The following IQCM variants were observed in gnomAD, a reference collection of about 807,000 sequenced individuals.
IQCM encodes the protein IQ domain-containing protein M.
In IQCM, 45 loss-of-function variants were observed where a neutral mutation model predicts 57.6. The ratio of observed to expected loss-of-function variants is 0.78; its 90% CI spans 0.62 to 1.00. The LOEUF is 1.00. Among genes scored for constraint, IQCM ranks in the 50% least tolerant of loss-of-function variants. The probability of loss-of-function intolerance (pLI) is 0.00; values close to 1 mark genes in which losing one functional copy is unlikely to be tolerated. For synonymous variants in IQCM, 148 were observed against 158.9 expected, an observed-to-expected ratio of 0.93 and a Z score of 0.51; for missense variants, 468 against 511.6, an observed-to-expected ratio of 0.91 and a Z score of 0.82.
chr4:149,774,147 C>T (rs1770844567), intron 2 of IQCM, among the ~76,000 whole-genome samples: 1 of 151,494 alleles, frequency 6.6e-6, no homozygotes, highest in South Asian at 2.1e-4. Flanking sequence ...AAGCTCTAAT[C>T]CAAGGTTTAT....
chr4:149,525,871 T>C (rs1212229203), intron 12 of IQCM, among the ~76,000 whole-genome samples: 1 of 151,712 alleles, frequency 6.6e-6, no homozygotes, highest in African/African-American at 2.4e-5. Context: ...AATATATAAA[T>C]AGGGTAAAAT....
chr4:149,702,167 A>AT, intron 5 of IQCM, among the ~76,000 whole-genome samples: 1 of 151,964 alleles, frequency 6.6e-6, no homozygotes. Flanking sequence ...ACAACTGATA[A>AT]CACACTAAGT....
rs1029657124 is a variant in IQCM, at chr4:149,705,247, T to C, written c.386-18779A>G. Among the ~76,000 whole-genome samples the C allele has an allele frequency of 2.0e-5, 3 of 147,730 alleles. No homozygotes were observed. The South Asian group carries it at 6.3e-4, about 31-fold the overall frequency. On this transcript the variant is annotated intron_variant, in intron 5 of 13. Transcript: ENST00000636793. Reference sequence around the variant, plus strand: ...ATATATCCTACTGTTTCTTTTTATATATTTATAAAAATATATAAAAATTAG... The same window carrying C: ...ATATATCCTACTGTTTCTTTTTATACATTTATAAAAATATATAAAAATTAG...
chr4:149,415,763 C>A, intron 13 of IQCM, among the ~76,000 whole-genome samples: 1 of 151,978 alleles, frequency 6.6e-6, no homozygotes, highest in South Asian at 2.1e-4. Flanking sequence ...TTCATAAACT[C>A]ATCTATTCAG....
chr4:149,428,206 T>C (rs1056010774), intron 13 of IQCM, among the ~76,000 whole-genome samples: 3 of 151,812 alleles, frequency 2.0e-5, no homozygotes, highest in African/African-American at 4.8e-5. Flanking sequence ...ATACACATCA[T>C]ATAGTTACAA....
chr4:149,731,576 A>G (rs528892392), intron 5 of IQCM, among the ~76,000 whole-genome samples: 4 of 152,336 alleles, frequency 2.6e-5, no homozygotes, highest in African/African-American at 4.8e-5. Context: ...AAGCCTCAAT[A>G]TCTTATCATC....
At chr4:149,727,015 G>T (rs1020377074) in intron 5 of IQCM, among the ~76,000 whole-genome samples, 1 of 152,036 alleles carries the variant, frequency 6.6e-6, no homozygotes, top group Non-Finnish European at 1.5e-5. Flanking sequence ...CTCCCAAAGT[G>T]CTGGGATTAC....
At chr4:149,591,756 T>C (rs1317887913) in intron 8 of IQCM, among the ~76,000 whole-genome samples, 1 of 152,180 alleles carries the variant, frequency 6.6e-6, no homozygotes, top group Non-Finnish European at 1.5e-5. Context: ...TCCAGCTTCA[T>C]CCATGTCCCT....
intron 13 of IQCM, among the ~76,000 whole-genome samples, chr4:149,379,208 C>G (rs535303375): frequency 6.6e-6 from 1 of 152,204 alleles, no homozygotes; most frequent in East Asian, 1.9e-4. Flanking sequence ...TAGGGCAGTG[C>G]AGTAGGGAAA....
At chr4:149,393,329 G>T (rs1172197366) in intron 13 of IQCM, among the ~76,000 whole-genome samples, 3 of 151,740 alleles carry the variant, frequency 2.0e-5, no homozygotes, top group Non-Finnish European at 4.4e-5. Flanking sequence ...GAGGAGAAAT[G>T]AGCAAGCCAT....
chr4:149,756,818 C>T lies in IQCM; in HGVS notation c.-48-14079G>A, dbSNP rs139466463. On this transcript the variant is annotated intron_variant, in intron 2 of 13. Coordinates refer to ENST00000636793, the MANE Select transcript of IQCM (RefSeq NM_001363507.2). ...CTTGTTTAAGAAGAGGATAAATAGA[C>T]TGAGCAACGTTTAAAGAAAAATTTG... Among the ~76,000 whole-genome samples, 589 of 152,202 alleles carry T rather than the reference C, an allele frequency of 3.9e-3. 1 individual carries two copies. Among genetic ancestry groups the T allele is most frequent in the African/African-American group, 0.011 (461 of 41,530 alleles).
At chr4:149,711,056 T>G (rs548472233) in intron 5 of IQCM, 4 of 152,286 alleles carry the variant, frequency 2.6e-5, no homozygotes, top group African/African-American at 9.6e-5. Context: ...GGCAATAGGA[T>G]AATTTATTAT....
At chr4:149,787,871 G>A (rs905727705) in intron 2 of IQCM, among the ~76,000 whole-genome samples, 3 of 152,098 alleles carry the variant, frequency 2.0e-5, no homozygotes, top group Admixed American at 6.5e-5. Flanking sequence ...CACAGCAAAG[G>A]AAGCAATCAA....
chr4:149,546,331 A>T (rs1450117981), intron 12 of IQCM, among the ~76,000 whole-genome samples: 1 of 152,176 alleles, frequency 6.6e-6, no homozygotes, highest in Non-Finnish European at 1.5e-5. Flanking sequence ...GGGTATATAT[A>T]CCCAGTAATG....
At chr4:149,470,013 A>C (rs1739331507) in intron 12 of IQCM, among the ~76,000 whole-genome samples, 1 of 152,250 alleles carries the variant, frequency 6.6e-6, no homozygotes, top group Non-Finnish European at 1.5e-5. Flanking sequence ...CAGCCACTGC[A>C]AAAACATGCC....
chr4:149,523,868 A>G (rs1232502545), intron 12 of IQCM, among the ~76,000 whole-genome samples: 1 of 152,176 alleles, frequency 6.6e-6, no homozygotes, highest in Non-Finnish European at 1.5e-5. Context: ...CTTTCTCTGC[A>G]AAACCAAAGG....
chr4:149,502,431 G>T (rs994099433), intron 12 of IQCM, among the ~76,000 whole-genome samples: 1 of 152,170 alleles, frequency 6.6e-6, no homozygotes, highest in South Asian at 2.1e-4. Flanking sequence ...ACTTTGGGAG[G>T]TGGAGGTGAG....
chr4:149,734,069 A>T (rs907508084), intron 4 of IQCM, among the ~76,000 whole-genome samples: 11 of 152,130 alleles, frequency 7.2e-5, no homozygotes, highest in African/African-American at 2.7e-4. Context: ...ACAACAGAGA[A>T]ATAATACAGC....
chr4:149,518,415 T>A (rs1745219447), intron 12 of IQCM, among the ~76,000 whole-genome samples: 1 of 152,182 alleles, frequency 6.6e-6, no homozygotes. Context: ...TTGAGTTAAG[T>A]CTCTCTGATA....
Sources: gnomAD v4.1 joint callset for allele counts (sites outside exome capture counted in the v4.1 genomes callset) on GRCh38, gnomAD v4.1.1 for gene constraint, MANE v1.5 for transcripts, NCBI Gene and HGNC (gene_info 2026-07-23, HGNC 2026-07-21) for gene names.